PPP6C: variants seen among roughly 807,000 people sequenced by gnomAD.
PPP6C encodes the protein protein phosphatase 6 catalytic subunit.
In PPP6C, 11 loss-of-function variants were observed where a neutral mutation model predicts 39.8. The ratio of observed to expected loss-of-function variants is 0.28; its 90% CI spans 0.17 to 0.46. The LOEUF is 0.46. Among genes scored for constraint, PPP6C ranks in the 20% least tolerant of loss-of-function variants. The pLI, the probability that PPP6C is intolerant of heterozygous loss-of-function variation, is 1.00. For synonymous variants in PPP6C, 129 were observed against 130.3 expected (o/e 0.99, Z 0.07); for missense variants, 211 against 373.9 (o/e 0.56, Z 3.59).
chr9:125,177,946 T>C (rs1829338995), intron 1 of PPP6C, among the ~76,000 whole-genome samples: 2 of 152,206 alleles, frequency 1.3e-5, no homozygotes, highest in Admixed American at 1.3e-4. Flanking sequence ...GTAATATGTA[T>C]TTAAGGTTCT....
intron 1 of PPP6C, among the ~76,000 whole-genome samples, chr9:125,188,603 T>A (rs886548107): frequency 1.3e-5 from 2 of 151,376 alleles, no homozygotes; most frequent in Non-Finnish European, 2.9e-5. Context: ...CTGGCCAACA[T>A]GGCGAAACCC....
rs1433620541 is a variant in PPP6C, at chr9:125,168,507, G to A, written c.171+2578C>T. Among the ~76,000 whole-genome samples the A allele has an allele frequency of 2.0e-5, 3 of 152,166 alleles. No homozygotes were observed. In the South Asian group the frequency reaches 6.2e-4, roughly 32 times the overall value. On this transcript the variant is annotated intron_variant, in intron 2 of 6. Transcript: ENST00000373547. Reference sequence around the variant, plus strand: ...GAGTTTCGCTCTTGTTGCCCAGGCTGGAGTGCAATGGCGCGATCTCGGCTC... The same window carrying A: ...GAGTTTCGCTCTTGTTGCCCAGGCTAGAGTGCAATGGCGCGATCTCGGCTC...
intron 1 of PPP6C, among the ~76,000 whole-genome samples, chr9:125,177,103 G>A (rs943281656): frequency 3.3e-5 from 5 of 152,108 alleles, no homozygotes; most frequent in Admixed American, 1.3e-4. Context: ...GGCCGGGCGC[G>A]GTGGCTCACG....
At chr9:125,164,635 C>T (rs1235332779) in intron 2 of PPP6C, among the ~76,000 whole-genome samples, 1 of 152,158 alleles carries the variant, frequency 6.6e-6, no homozygotes. Context: ...TGGAGGCTCA[C>T]TATATTGCCC....
Position 125,149,911 on chromosome 9 carries a change from A to G in PPP6C, c.680T>C (p.Ile227Thr). The part of the protein sequence containing the change: ...GAKVTNEFVH[I>T]NNLKLICRAH... ...TCTGCAGATGAGTTTTAAGTTGTTG[A>G]TATGAACAAACTGCAATTTAGAAAG... Residue 227 changes from isoleucine (I) to threonine (T), a missense_variant, in exon 7 of 7, where the codon ATC (isoleucine) becomes ACC (threonine). By Grantham distance (89) the Ile-to-Thr change is moderately conservative (BLOSUM62 -1). Around this residue, in one of 2 missense-constraint regions of PPP6C, gnomAD observed 168 missense variants for 342.6 expected, o/e 0.49. Coordinates refer to ENST00000373547, the MANE Select transcript of PPP6C (RefSeq NM_002721.5). 6.2e-7 allele frequency: 1 copy of G among 1,613,476 alleles called. No individual in the cohort carries two copies. Among genetic ancestry groups the G allele is most frequent in the Middle Eastern group, 1.7e-4 (1 of 6,058 alleles).
At chr9:125,152,869 GA>G (rs1835984561) in intron 6 of PPP6C, among the ~76,000 whole-genome samples, 1 of 151,256 alleles carries the variant, frequency 6.6e-6, no homozygotes, top group Non-Finnish European at 1.5e-5. Context: ...TCTTGTAGAG[GA>G]AACTAATAAA....
chr9:125,165,409 A>C (rs1029469494), intron 2 of PPP6C, among the ~76,000 whole-genome samples: 18 of 152,072 alleles, frequency 1.2e-4, no homozygotes, highest in African/African-American at 3.4e-4. Context: ...CAAAAAAACA[A>C]ATCAATAACA....
chr9:125,164,937 C>T (rs1828979574), intron 2 of PPP6C, among the ~76,000 whole-genome samples: 1 of 152,092 alleles, frequency 6.6e-6, no homozygotes, highest in South Asian at 2.1e-4. Context: ...CGGGGTTTCA[C>T]CACATTGGCC....
intron 1 of PPP6C, among the ~76,000 whole-genome samples, chr9:125,178,287 G>A (rs72767014): frequency 0.14 from 21,746 of 152,098 alleles, 1,660 homozygotes; most frequent in East Asian, 0.23. Flanking sequence ...GAGAGTTCCT[G>A]TTGCTCCACA....
chr9:125,168,043 C>T (rs1403998110), intron 2 of PPP6C, among the ~76,000 whole-genome samples: 1 of 152,148 alleles, frequency 6.6e-6, no homozygotes, highest in African/African-American at 2.4e-5. Flanking sequence ...TGGTGAAGAA[C>T]TCAATGATAA....
At chr9:125,161,544 A>G (rs1828877010) in intron 2 of PPP6C, among the ~76,000 whole-genome samples, 1 of 152,132 alleles carries the variant, frequency 6.6e-6, no homozygotes, top group Non-Finnish European at 1.5e-5. Context: ...CCTGGGCTCA[A>G]GTAACCCTCC....
intron 1 of PPP6C, among the ~76,000 whole-genome samples, chr9:125,177,536 T>C (rs923568171): frequency 1.8e-4 from 27 of 151,520 alleles, no homozygotes; most frequent in African/African-American, 6.6e-4. Context: ...GTTCTCCATA[T>C]AAAGGGAAAA....
chr9:125,183,005 C>A (rs978647569), intron 1 of PPP6C, among the ~76,000 whole-genome samples: 4 of 152,088 alleles, frequency 2.6e-5, no homozygotes, highest in African/African-American at 9.7e-5. Context: ...AATGTCTTAG[C>A]TTGGCAGCAT....
rs1353102617 is a variant in PPP6C, at chr9:125,148,754, C to A, written c.*919G>T. ...CTCAACTGGTATCAAATTAACACAT[C>A]AGCATTACAAGTATTAAATGTTTTT... On this transcript the variant is annotated 3_prime_UTR_variant, in exon 7 of 7. Transcript: ENST00000373547. 6.6e-6 allele frequency: 1 copy of A among 152,126 alleles called. No homozygotes were observed. The highest frequency in any genetic ancestry group is 1.9e-4 in the East Asian group (1 of 5,202). The allele number at this position is 152,126 out of a possible 1,614,324, so 9.4% of individuals were successfully genotyped here.
chr9:125,174,097 T>TCCTA (rs995030311), intron 1 of PPP6C, among the ~76,000 whole-genome samples: 1 of 152,200 alleles, frequency 6.6e-6, no homozygotes, highest in Non-Finnish European at 1.5e-5. Context: ...GAACCTTCCT[T>TCCTA]CCTACCTGAG....
chr9:125,172,751 AAACACAC>A (rs1564154788), intron 1 of PPP6C, among the ~76,000 whole-genome samples: 16 of 136,682 alleles, frequency 1.2e-4, no homozygotes, highest in Non-Finnish European at 2.0e-4. Flanking sequence ...ACACACACAC[AAACACAC>A]ACACACACAC....
intron 1 of PPP6C, among the ~76,000 whole-genome samples, chr9:125,189,175 G>A (rs1829604719): frequency 6.6e-6 from 1 of 152,172 alleles, no homozygotes; most frequent in African/African-American, 2.4e-5. Flanking sequence ...CCCTTCCTCA[G>A]AGACCTAAAC....
intron 1 of PPP6C, chr9:125,189,431 C>T (rs1354561428): frequency 5.3e-6 from 7 of 1,325,722 alleles, no homozygotes; most frequent in Non-Finnish European, 7.0e-6. Flanking sequence ...CCGCGACATC[C>T]CTCGGGATCC....
At chr9:125,152,259 T>C (rs1329722863) in intron 6 of PPP6C, among the ~76,000 whole-genome samples, 1 of 152,114 alleles carries the variant, frequency 6.6e-6, no homozygotes, top group African/African-American at 2.4e-5. Flanking sequence ...CCTTCATCCA[T>C]CTTGATCCTT....
Sources: gnomAD v4.1 joint callset for allele counts (sites outside exome capture counted in the v4.1 genomes callset) on GRCh38, gnomAD v4.1.1 for gene constraint, gnomAD v4.1.1 regional missense constraint, MANE v1.5 for transcripts, NCBI Gene and HGNC (gene_info 2026-07-23, HGNC 2026-07-21) for gene names.